ATP2C1: variants seen among roughly 807,000 people sequenced by gnomAD.
ATP2C1 encodes ATPase secretory pathway Ca2+ transporting 1, also known as calcium-transporting ATPase type 2C member 1.
ATP2C1 carries 31 observed loss-of-function variants against 120.5 expected under a neutral mutation model. The ratio of observed to expected loss-of-function variants is 0.26; its 90% CI spans 0.19 to 0.35. The LOEUF is 0.35. Among genes scored for constraint, ATP2C1 ranks in the 10% least tolerant of loss-of-function variants. The pLI is 1.00. For missense variants in ATP2C1, 731 were observed against 1,107.5 expected (o/e 0.66, Z 4.83); for synonymous variants, 351 against 358.7 (o/e 0.98, Z 0.24).
rs576574887 is a variant in ATP2C1 at position 130,956,089 on chromosome 3, C to A, written c.757-15C>A. Reference sequence around the variant, plus strand: ...TATAGCTAATTGTGGTGACACTCTTCTTCAATTTATCAAGGCACCAAAAAC... The same window carrying A: ...TATAGCTAATTGTGGTGACACTCTTATTCAATTTATCAAGGCACCAAAAAC... On this transcript the variant is annotated splice_polypyrimidine_tract_variant and intron_variant, in intron 10 of 27. Coordinates refer to ENST00000510168, the MANE Select transcript of ATP2C1 (RefSeq NM_001378687.1). 7 of 1,582,784 alleles carry A rather than the reference C, an allele frequency of 4.4e-6. No homozygotes were observed. The highest frequency in any genetic ancestry group is 1.1e-5 in the South Asian group (1 of 90,422).
At chr3:131,011,020 T>C (rs565998457) in intron 26 of ATP2C1, among the ~76,000 whole-genome samples, 1 of 152,370 alleles carries the variant, frequency 6.6e-6, no homozygotes, top group Non-Finnish European at 1.5e-5. Flanking sequence ...TGGACTGTTA[T>C]AATCCTTATT....
chr3:131,012,626 ATGTACT>A (rs961305656), intron 26 of ATP2C1, among the ~76,000 whole-genome samples: 1 of 152,096 alleles, frequency 6.6e-6, no homozygotes, highest in Non-Finnish European at 1.5e-5. Flanking sequence ...TCAAAAATAG[ATGTACT>A]TGACTACTCT....
rs73201921 is a variant in ATP2C1, at chr3:130,940,806, A to T, written c.422+115A>T. 70,093 of 824,806 alleles carry T rather than the reference A, an allele frequency of 0.085. 3,809 individuals are homozygous for T. Among genetic ancestry groups the T allele is most frequent in the Non-Finnish European group, 0.11 (54,992 of 497,242 alleles). The allele number at this position is 824,806 out of a possible 1,614,324, so 51.1% of individuals were successfully genotyped here. Reference sequence around the variant, plus strand: ...GTCTGAACATAAGGAAGATACTATTAATCTGACACAAAAAGTTCCTGGTCT... The same window carrying T: ...GTCTGAACATAAGGAAGATACTATTTATCTGACACAAAAAGTTCCTGGTCT... On this transcript the variant is annotated intron_variant, in intron 7 of 27. Transcript: ENST00000510168.
rs2061189222 is a variant in ATP2C1 at position 130,969,292 on chromosome 3, A to G, written c.1309A>G (p.Met437Val). ...EGALIALAMK[M>V]GLDGLQQDYI... ...TTAACTTTCTCTTTGTGCCATATAG[A>G]TGGGTCTTGATGGACTTCAACAAGA... The change falls in exon 17 of 28, where the codon ATG (methionine) becomes GTG (valine). Residue 437 changes from methionine (M) to valine (V), a missense_variant and splice_region_variant. Physicochemically the swap from Met to Val is conservative, Grantham distance 21. Transcript: ENST00000510168. 6.2e-7 allele frequency: 1 copy of G among 1,609,038 alleles called. No homozygotes were observed. Among genetic ancestry groups the G allele is most frequent in the Non-Finnish European group, 8.5e-7 (1 of 1,175,424 alleles).
At chr3:130,988,132 A>G (rs1237380294) in intron 20 of ATP2C1, among the ~76,000 whole-genome samples, 2 of 152,160 alleles carry the variant, frequency 1.3e-5, no homozygotes, top group African/African-American at 2.4e-5. Context: ...CTTTATTTCA[A>G]TCACTTGTTT....
chr3:130,916,368 A>G (rs1238167046), intron 2 of ATP2C1, among the ~76,000 whole-genome samples: 1 of 152,106 alleles, frequency 6.6e-6, no homozygotes, highest in Non-Finnish European at 1.5e-5. Flanking sequence ...GTGAGCAGAG[A>G]TCGCGCCACT....
rs112584120 is a variant in ATP2C1, at chr3:131,016,220, A to G, written c.*31A>G. On this transcript the variant is annotated 3_prime_UTR_variant, in exon 27 of 27. Coordinates refer to the ATP2C1 transcript ENST00000328560. Reference sequence around the variant, plus strand: ...ATCCCCATCTGGAGACAGGACTGCCACTGACAGAAGATGTGAGCTGTGTCT... The same window carrying G: ...ATCCCCATCTGGAGACAGGACTGCCGCTGACAGAAGATGTGAGCTGTGTCT... 1.9e-6 allele frequency: 3 copies of G among 1,614,060 alleles called. No individual in the cohort carries two copies. The African/African-American group carries it at 4.0e-5, about 22-fold the overall frequency.
chr3:130,874,431 C>T (rs2068534863), intron 1 of ATP2C1, among the ~76,000 whole-genome samples: 1 of 152,134 alleles, frequency 6.6e-6, no homozygotes, highest in South Asian at 2.1e-4. Flanking sequence ...ATTTTAAGTA[C>T]TTGTCGTAAC....
At chr3:131,005,661 A>C (rs1212135915), downstream of ATP2C1, among the ~76,000 whole-genome samples, 2 of 152,224 alleles carry the variant, frequency 1.3e-5, no homozygotes, top group East Asian at 1.9e-4. Flanking sequence ...TAGAAAAACA[A>C]GCATCCATTT....
intron 2 of ATP2C1, among the ~76,000 whole-genome samples, chr3:130,910,116 T>A (rs2058328093): frequency 6.6e-6 from 1 of 152,188 alleles, no homozygotes; most frequent in African/African-American, 2.4e-5. Context: ...AATCAGCTTG[T>A]TAGAATTTTG....
downstream of ATP2C1, among the ~76,000 whole-genome samples, chr3:131,004,324 T>C (rs1227376763): frequency 2.0e-5 from 3 of 152,248 alleles, no homozygotes; most frequent in African/African-American, 2.4e-5. Context: ...AGTACGTGAT[T>C]GGACAGACAG....
chr3:130,862,503 G>A (rs560700465), intron 1 of ATP2C1, among the ~76,000 whole-genome samples: 98 of 152,142 alleles, frequency 6.4e-4, no homozygotes, highest in African/African-American at 2.3e-3. Flanking sequence ...ATTCTATAAA[G>A]AGATAATAGA....
At chr3:130,958,422 C>G (rs2060674228) in intron 11 of ATP2C1, among the ~76,000 whole-genome samples, 2 of 151,986 alleles carry the variant, frequency 1.3e-5, no homozygotes, top group Admixed American at 1.3e-4. Flanking sequence ...TTGCTGACCC[C>G]TGGTATAATC....
intron 17 of ATP2C1, among the ~76,000 whole-genome samples, chr3:130,973,221 T>A (rs1019758086): frequency 2.6e-5 from 4 of 152,112 alleles, no homozygotes; most frequent in African/African-American, 9.7e-5. Context: ...GACTTTAGCA[T>A]CTAGAATAAA....
At chr3:130,851,002 T>C (rs1214608201) in intron 1 of ATP2C1, 1 of 837,498 alleles carries the variant, frequency 1.2e-6, no homozygotes, top group Non-Finnish European at 1.7e-6. Flanking sequence ...GCTTAGTGAT[T>C]TCATTTGTGC....
At chr3:130,904,765 T>G (rs541436258) in intron 2 of ATP2C1, among the ~76,000 whole-genome samples, 1 of 152,164 alleles carries the variant, frequency 6.6e-6, no homozygotes, top group Non-Finnish European at 1.5e-5. Context: ...TTATTACTGC[T>G]TTGGTCTTTG....
At chr3:130,972,127 A>G (rs980161980) in intron 17 of ATP2C1, among the ~76,000 whole-genome samples, 6 of 152,058 alleles carry the variant, frequency 3.9e-5, no homozygotes, top group African/African-American at 4.8e-5. Context: ...GGAGTGCACA[A>G]CCTAGATCCC....
At chr3:130,887,244 C>T (rs2069002535) in intron 1 of ATP2C1, among the ~76,000 whole-genome samples, 1 of 152,200 alleles carries the variant, frequency 6.6e-6, no homozygotes, top group African/African-American at 2.4e-5. Context: ...ACCCCCCTGG[C>T]CCTCACTACT....
intron 1 of ATP2C1, among the ~76,000 whole-genome samples, chr3:130,879,908 C>G (rs2068729281): frequency 6.6e-6 from 1 of 152,060 alleles, no homozygotes; most frequent in East Asian, 1.9e-4. Flanking sequence ...ATCCTTGGGC[C>G]CCTGGGCAGC....
Sources: gnomAD v4.1 joint callset for allele counts (sites outside exome capture counted in the v4.1 genomes callset) on GRCh38, gnomAD v4.1.1 for gene constraint, MANE v1.5 for transcripts, NCBI Gene and HGNC (gene_info 2026-07-23, HGNC 2026-07-21) for gene names.